The following PABPC4L variants were observed in gnomAD, a reference collection of about 807,000 sequenced individuals.
PABPC4L encodes polyadenylate-binding protein 4-like.
For synonymous variants in PABPC4L, 169 were observed against 164.1 expected, an observed-to-expected ratio of 1.03 and a Z score of -0.23; for missense variants, 452 against 451.4, an observed-to-expected ratio of 1.00 and a Z score of -0.01.
chr4:134,041,423 T>C, the PABPC4L span, among the ~76,000 whole-genome samples: 3 of 152,110 alleles, frequency 2.0e-5, no homozygotes, highest in African/African-American at 7.2e-5. Context: ...GCATGTCCTT[T>C]GCAGGGACAT....
the PABPC4L span, among the ~76,000 whole-genome samples, chr4:134,145,586 C>T: frequency 6.6e-6 from 1 of 151,652 alleles, no homozygotes; most frequent in Admixed American, 6.6e-5. Flanking sequence ...TAAATGGGAC[C>T]TAAGAGGGGA....
chr4:134,014,747 A>C, the PABPC4L span, among the ~76,000 whole-genome samples: 1 of 151,508 alleles, frequency 6.6e-6, no homozygotes, highest in South Asian at 2.1e-4. Flanking sequence ...CTTCTTAATC[A>C]ATACAAAGCC....
chr4:134,119,429 C>T, the PABPC4L span, among the ~76,000 whole-genome samples: 3 of 151,312 alleles, frequency 2.0e-5, no homozygotes, highest in Non-Finnish European at 3.0e-5. Flanking sequence ...TCATTTTTTT[C>T]AAAATAATAG....
the PABPC4L span, among the ~76,000 whole-genome samples, chr4:134,018,301 C>A: frequency 6.6e-6 from 1 of 152,148 alleles, no homozygotes; most frequent in African/African-American, 2.4e-5. Context: ...TTGGACTCAG[C>A]CTGCCTGCAC....
At chr4:134,178,210 C>A in the PABPC4L span, among the ~76,000 whole-genome samples, 1 of 152,036 alleles carries the variant, frequency 6.6e-6, no homozygotes, top group Non-Finnish European at 1.5e-5. Context: ...CCTGTGAGAA[C>A]TCACGAAGCA....
chr4:134,014,601 C>T, the PABPC4L span, among the ~76,000 whole-genome samples: 3 of 152,106 alleles, frequency 2.0e-5, no homozygotes, highest in Admixed American at 6.6e-5. Flanking sequence ...GCCCAAGGCT[C>T]TCTGACTGAC....
the PABPC4L span, among the ~76,000 whole-genome samples, chr4:134,083,128 A>G: frequency 1.7e-3 from 252 of 152,258 alleles, 2 homozygotes; most frequent in African/African-American, 5.6e-3. Flanking sequence ...TTAAGAACCT[A>G]CTATTTGAAG....
At chr4:134,031,573 T>G in the PABPC4L span, among the ~76,000 whole-genome samples, 1 of 152,102 alleles carries the variant, frequency 6.6e-6, no homozygotes, top group South Asian at 2.1e-4. Flanking sequence ...ATTTTGCAGT[T>G]ATTTCTCAAC....
the PABPC4L span, among the ~76,000 whole-genome samples, chr4:134,086,732 T>G: frequency 6.6e-6 from 1 of 151,820 alleles, no homozygotes; most frequent in Non-Finnish European, 1.5e-5. Flanking sequence ...TTTTTTTTTT[T>G]TTTTCTGGAT....
At chr4:134,090,864 G>A in the PABPC4L span, among the ~76,000 whole-genome samples, 136 of 151,992 alleles carry the variant, frequency 8.9e-4, no homozygotes, top group African/African-American at 2.9e-3. Flanking sequence ...GTATTTACTT[G>A]TATATTTGGA....
Position 134,200,726 on chromosome 4 carries a change from C to A in PABPC4L, c.294G>T (p.Gly98=), listed in dbSNP as rs2125710175. The A allele has an allele frequency of 2.6e-6, 4 of 1,551,682 alleles. No homozygotes were observed. The highest frequency in any genetic ancestry group is 3.5e-6 in the Non-Finnish European group (4 of 1,146,980). The change falls in exon 2 of 2, where the codon GGG becomes GGT. Residue 98 remains glycine, a synonymous_variant. Coordinates refer to ENST00000421491, the MANE Select transcript of PABPC4L (RefSeq NM_001114734.2). ...RDAYLRRSGI[G]NVFIKNLDKS... The stretch of plus-strand genomic sequence containing the variant: ...TGTCCAGATTCTTGATGAATACGTT[C>A]CCAATTCCAGATCTCCTCAAGTAGG...
the PABPC4L span, among the ~76,000 whole-genome samples, chr4:134,169,201 C>T: frequency 6.6e-6 from 1 of 152,010 alleles, no homozygotes; most frequent in African/African-American, 2.4e-5. Flanking sequence ...GAGTAAAATA[C>T]ATATGGTCAT....
chr4:134,089,684 C>T, the PABPC4L span, among the ~76,000 whole-genome samples: 2 of 151,712 alleles, frequency 1.3e-5, no homozygotes, highest in Non-Finnish European at 2.9e-5. Flanking sequence ...TTTTCTCCAG[C>T]CAAACTTGAA....
At chr4:134,103,665 A>T in the PABPC4L span, among the ~76,000 whole-genome samples, 1 of 151,800 alleles carries the variant, frequency 6.6e-6, no homozygotes, top group Non-Finnish European at 1.5e-5. Flanking sequence ...TTGGGAGACA[A>T]CTCAGACTGT....
the PABPC4L span, among the ~76,000 whole-genome samples, chr4:134,040,887 C>A: frequency 6.6e-6 from 1 of 151,904 alleles, no homozygotes; most frequent in East Asian, 1.9e-4. Flanking sequence ...AACAAAGAAA[C>A]AAAACCCCAT....
chr4:133,960,546 G>A, the PABPC4L span, among the ~76,000 whole-genome samples: 26 of 152,134 alleles, frequency 1.7e-4, no homozygotes, highest in Non-Finnish European at 3.1e-4. Flanking sequence ...GTAATAATTT[G>A]GACCAGTCGA....
chr4:134,179,557 T>C, the PABPC4L span, among the ~76,000 whole-genome samples: 1 of 152,054 alleles, frequency 6.6e-6, no homozygotes, highest in East Asian at 1.9e-4. Flanking sequence ...TGAATGTAAA[T>C]GAGCTAAATG....
chr4:134,086,745 T>C, the PABPC4L span, among the ~76,000 whole-genome samples: 3 of 150,248 alleles, frequency 2.0e-5, no homozygotes, highest in African/African-American at 4.9e-5. Flanking sequence ...TTCTGGATGA[T>C]AGGGTATTCT....
the PABPC4L span, among the ~76,000 whole-genome samples, chr4:134,033,014 A>C: frequency 2.2e-5 from 3 of 134,370 alleles, no homozygotes; most frequent in African/African-American, 5.9e-5. Flanking sequence ...GCATGACACA[A>C]GTATCCTTTT....
Sources: gnomAD v4.1 joint callset for allele counts (sites outside exome capture counted in the v4.1 genomes callset) on GRCh38, gnomAD v4.1.1 for gene constraint, MANE v1.5 for transcripts, NCBI Gene and HGNC (gene_info 2026-07-23, HGNC 2026-07-21) for gene names.